The following SLC43A2 variants were observed in gnomAD, a reference collection of about 807,000 sequenced individuals.
SLC43A2 encodes the protein solute carrier family 43 member 2, also known as large neutral amino acids transporter small subunit 4.
SLC43A2 carries 38 observed loss-of-function variants against 63.2 expected under a neutral mutation model. That is an observed-to-expected ratio of 0.60 (90% confidence interval 0.46 to 0.79). SLC43A2 has a LOEUF of 0.79. Among genes scored for constraint, SLC43A2 ranks in the 30% least tolerant of loss-of-function variants. SLC43A2 has a pLI of 0.00. For synonymous variants in SLC43A2, 322 were observed against 331.0 expected, an observed-to-expected ratio of 0.97 and a Z score of 0.30; for missense variants, 644 against 756.2, an observed-to-expected ratio of 0.85 and a Z score of 1.74.
chr17:1,601,282 G>A (rs12450088), intron 5 of SLC43A2, among the ~76,000 whole-genome samples: 30,109 of 151,818 alleles, frequency 0.2, 3,437 homozygotes, highest in East Asian at 0.39. Context: ...AAACCTGTGG[G>A]CATGAATCTT....
chr17:1,617,279 A>G (rs1039791366), intron 2 of SLC43A2, among the ~76,000 whole-genome samples: 2 of 152,320 alleles, frequency 1.3e-5, no homozygotes, highest in Non-Finnish European at 2.9e-5. Flanking sequence ...TCTCACCCCA[A>G]TAGCCTGGTT....
Position 1,578,447 on chromosome 17 carries a change from ATCCTCC to A in SLC43A2, c.1351-130_1351-125del. On this transcript the variant is annotated intron_variant, in intron 11 of 13. Transcript: ENST00000301335. This position sits in a 1 kb window ranked among gnomAD's most constrained non-coding sequence, Gnocchi z 6.5. ...GTCAGCCTGGAGTTGGATCAACCCC[ATCCTCC>A]GGAGCCAATTGTGAATTTTCAGAAA... The A allele has an allele frequency of 2.4e-6, 2 of 816,866 alleles. No individual in the cohort carries two copies. The highest frequency in any genetic ancestry group is 3.8e-6 in the Non-Finnish European group (2 of 527,034). The allele number at this position is 816,866 out of a possible 1,614,324, so 50.6% of individuals were successfully genotyped here. A position where few individuals can be genotyped will look rare whatever the true frequency, so the allele number is the denominator to read the frequency against.
chr17:1,613,430 C>T (rs1302488049), intron 4 of SLC43A2, among the ~76,000 whole-genome samples, 159 bp from the exon 5 acceptor site: 1 of 151,862 alleles, frequency 6.6e-6, no homozygotes, highest in African/African-American at 2.4e-5. Context: ...GCCCCTTTCT[C>T]ACCCCCTCCT....
chr17:1,576,374 G>A (rs549935824), intron 13 of SLC43A2, among the ~76,000 whole-genome samples: 276 of 152,150 alleles, frequency 1.8e-3, no homozygotes, highest in Non-Finnish European at 3.3e-3. Flanking sequence ...GTGAGCCACC[G>A]CGCCCGGCCC....
At chr17:1,620,759 G>A (rs1288937705) in intron 2 of SLC43A2, among the ~76,000 whole-genome samples, 1 of 152,084 alleles carries the variant, frequency 6.6e-6, no homozygotes, top group Non-Finnish European at 1.5e-5. Context: ...CAGCCCACAT[G>A]CACCCAGCAG....
At position 1,573,176 on chromosome 17, in the gene SLC43A2, C is replaced by CAAAAAAAAAAA. The variant is rs35157880; in HGVS notation, c.*2417_*2427dup. On this transcript the variant is annotated 3_prime_UTR_variant, in exon 14 of 14. Transcript: ENST00000301335. ...TGGATGGCAGAGCAAGACCCCAACT[C>CAAAAAAAAAAA]AAAAAAAAAAAAAAAAAAAAAAAGG... 1.4e-5 allele frequency: 1 copy of CAAAAAAAAAAA among 69,298 alleles called. No homozygotes were observed. Among genetic ancestry groups the CAAAAAAAAAAA allele is most frequent in the African/African-American group, 5.6e-5 (1 of 17,766 alleles). The allele number at this position is 69,298 out of a possible 1,614,324, so 4.3% of individuals were successfully genotyped here. A position where few individuals can be genotyped will look rare whatever the true frequency, so the allele number is the denominator to read the frequency against.
intron 5 of SLC43A2, among the ~76,000 whole-genome samples, chr17:1,599,317 C>T (rs867516541): frequency 8.1e-5 from 12 of 148,824 alleles, no homozygotes; most frequent in South Asian, 6.4e-4. Flanking sequence ...TCCAGCCTGG[C>T]GACAGAGTGA....
At chr17:1,589,807 AT>A (rs1314479800) in intron 9 of SLC43A2, among the ~76,000 whole-genome samples, 7 of 152,096 alleles carry the variant, frequency 4.6e-5, no homozygotes, top group African/African-American at 1.7e-4. Flanking sequence ...TTTAGTAGAG[AT>A]GGGGGTTTCA....
chr17:1,589,706 A>G (rs1016984397), intron 9 of SLC43A2, among the ~76,000 whole-genome samples: 1 of 151,830 alleles, frequency 6.6e-6, no homozygotes, highest in Non-Finnish European at 1.5e-5. Context: ...TGCAACCTCC[A>G]CCTCCTGGGT....
chr17:1,598,260 G>A (rs1351336439), intron 5 of SLC43A2, among the ~76,000 whole-genome samples: 4 of 152,204 alleles, frequency 2.6e-5, no homozygotes, highest in East Asian at 1.9e-4. Context: ...GTCTCTACTA[G>A]AAATACAAAA....
Position 1,575,685 on chromosome 17 carries a change from C to T in SLC43A2, c.1629G>A (p.Glu543=). The part of the protein sequence containing the change: ...LYLICYRRQL[E]RQLQQRQEDD... Reference sequence around the variant, plus strand: ...CCTCCTGCCTCTGCTGCAGCTGCCGCTCCAGCTGGCGCCGGTAGCAGATCA... The same window carrying T: ...CCTCCTGCCTCTGCTGCAGCTGCCGTTCCAGCTGGCGCCGGTAGCAGATCA... Residue 543 remains glutamate, a synonymous_variant, in exon 14 of 14, where the codon GAG becomes GAA. Coordinates refer to ENST00000301335, the MANE Select transcript of SLC43A2 (RefSeq NM_152346.3). 6.2e-7 allele frequency: 1 copy of T among 1,614,150 alleles called. No individual in the cohort carries two copies. Among genetic ancestry groups the T allele is most frequent in the Non-Finnish European group, 8.5e-7 (1 of 1,180,014 alleles).
intron 2 of SLC43A2, among the ~76,000 whole-genome samples, chr17:1,619,891 T>G (rs1349924487): frequency 6.6e-6 from 1 of 152,126 alleles, no homozygotes; most frequent in Non-Finnish European, 1.5e-5. Flanking sequence ...GTGGAATAAC[T>G]GAGGGCTTGG....
chr17:1,584,168 C>T (rs1472703534), intron 10 of SLC43A2, among the ~76,000 whole-genome samples: 2 of 152,086 alleles, frequency 1.3e-5, no homozygotes, highest in Admixed American at 1.3e-4. Context: ...GCTGGGATTA[C>T]AGGTGTGAGC....
rs369204072 is a variant in SLC43A2, at chr17:1,591,242, C to T, written c.931+27G>A. The T allele has an allele frequency of 1.4e-5, 22 of 1,597,904 alleles. No individual in the cohort carries two copies. The African/African-American group carries it at 1.5e-4, about 11-fold the overall frequency. On this transcript the variant is annotated intron_variant, in intron 8 of 13. Coordinates refer to ENST00000301335, the MANE Select transcript of SLC43A2 (RefSeq NM_152346.3). Reference sequence around the variant, plus strand: ...TACCCACAGAGCACTCCCTGCCCGTCGCCCGGCTGCGGTCTCAGGCGGGTA... The same window carrying T: ...TACCCACAGAGCACTCCCTGCCCGTTGCCCGGCTGCGGTCTCAGGCGGGTA...
At chr17:1,615,684 A>G (rs1392876713) in intron 3 of SLC43A2, among the ~76,000 whole-genome samples, 1 of 149,528 alleles carries the variant, frequency 6.7e-6, no homozygotes, top group African/African-American at 2.4e-5. Context: ...TCTACTAAAA[A>G]TACAAAAAAT....
At chr17:1,599,118 G>C (rs1180967769) in intron 5 of SLC43A2, among the ~76,000 whole-genome samples, 1 of 152,168 alleles carries the variant, frequency 6.6e-6, no homozygotes, top group African/African-American at 2.4e-5. Flanking sequence ...GGAGGCTGAG[G>C]TGGGCGGATC....
Position 1,586,049 on chromosome 17 carries a change from CA to C in SLC43A2, c.1080del (p.Gly361AlafsTer16), listed in dbSNP as rs2076097573. ...KFLVSGDQKT[V>X]GLYTSIFGVL... ...ACGCCGAAGATGGAGGTGTAGAGGC[CA>C]ACTGTGGAGGAAGGCGCTGCGTCAT... On this transcript the variant is annotated frameshift_variant and splice_region_variant, in exon 10 of 14. Transcript: ENST00000301335. LOFTEE classifies it high-confidence loss of function. 6.3e-7 allele frequency: 1 copy of C among 1,591,448 alleles called. No homozygotes were observed. Among genetic ancestry groups the C allele is most frequent in the Admixed American group, 1.8e-5 (1 of 56,278 alleles).
At chr17:1,596,552 C>T (rs1390975759) in intron 5 of SLC43A2, among the ~76,000 whole-genome samples, 1 of 152,066 alleles carries the variant, frequency 6.6e-6, no homozygotes, top group East Asian at 1.9e-4. Context: ...ATATAAAGAA[C>T]CCCTACATCT....
intron 5 of SLC43A2, among the ~76,000 whole-genome samples, chr17:1,607,402 C>G (rs1906718004): frequency 6.6e-6 from 1 of 152,122 alleles, no homozygotes; most frequent in South Asian, 2.1e-4. Context: ...CCCAGTCAGC[C>G]CAAGAGTGTT....
Sources: allele counts gnomAD v4.1 joint callset (sites outside exome capture counted in the v4.1 genomes callset), GRCh38; gene constraint gnomAD v4.1.1; non-coding constraint Gnocchi (gnomAD v3.1); transcripts MANE v1.5; gene names NCBI Gene and HGNC (gene_info 2026-07-23, HGNC 2026-07-21).